TSHR: variants seen among roughly 807,000 people sequenced by gnomAD.
TSHR encodes thyroid stimulating hormone receptor, also known as thyrotropin receptor.
TSHR carries 51 observed loss-of-function variants against 64.1 expected under a neutral mutation model. The observed-to-expected ratio is 0.80, with a 90% CI of 0.64 to 1.01. The LOEUF is 1.01. Ranked by LOEUF, TSHR falls within the 50% of genes least tolerant of loss-of-function variation. The pLI, the probability that TSHR is intolerant of heterozygous loss-of-function variation, is 0.00. For missense variants in TSHR, 877 were observed against 942.8 expected (o/e 0.93, Z 0.91); for synonymous variants, 361 against 361.9 (o/e 1.00, Z 0.03).
At chr14:81,067,282 T>C (rs996572087) in intron 2 of TSHR, among the ~76,000 whole-genome samples, 6 of 151,894 alleles carry the variant, frequency 4.0e-5, no homozygotes, top group Admixed American at 3.3e-4. Context: ...TTTTGCTATT[T>C]TGAGGAACTC....
intron 1 of TSHR, among the ~76,000 whole-genome samples, chr14:80,978,800 T>C (rs891719397): frequency 3.1e-4 from 47 of 152,196 alleles, no homozygotes; most frequent in African/African-American, 1.0e-3. Context: ...TGTTTGCACA[T>C]CTGCCTTTCT....
intron 8 of TSHR, among the ~76,000 whole-genome samples, chr14:81,136,471 C>T (rs1204124043): frequency 1.3e-5 from 2 of 152,074 alleles, no homozygotes. Flanking sequence ...TGTCAATTAC[C>T]ATGTTGGGGG....
At chr14:81,139,134 G>A (rs1055713379) in intron 8 of TSHR, among the ~76,000 whole-genome samples, 5 of 152,130 alleles carry the variant, frequency 3.3e-5, no homozygotes, top group East Asian at 1.9e-4. Context: ...CTGGAGTGGC[G>A]GGGGATGGGG....
At chr14:81,058,662 G>A (rs1885999479) in intron 1 of TSHR, among the ~76,000 whole-genome samples, 1 of 152,080 alleles carries the variant, frequency 6.6e-6, no homozygotes, top group African/African-American at 2.4e-5. Flanking sequence ...AAATTCTATT[G>A]CGATGCAAAT....
intron 8 of TSHR, among the ~76,000 whole-genome samples, chr14:81,110,841 A>G (rs908457729): frequency 1.4e-4 from 22 of 152,230 alleles, no homozygotes; most frequent in African/African-American, 5.3e-4. Flanking sequence ...ACCAAAATCA[A>G]AATAAACTGA....
At chr14:81,035,921 G>C (rs1310586685) in intron 1 of TSHR, among the ~76,000 whole-genome samples, 3 of 152,002 alleles carry the variant, frequency 2.0e-5, no homozygotes, top group African/African-American at 7.2e-5. Flanking sequence ...TTTTGGAGCT[G>C]AAAAATTTAA....
intron 1 of TSHR, among the ~76,000 whole-genome samples, chr14:81,043,839 G>T (rs915628322): frequency 6.6e-6 from 1 of 152,184 alleles, no homozygotes; most frequent in African/African-American, 2.4e-5. Flanking sequence ...ATGGGGAAAT[G>T]ATTCCCTATT....
In TSHR at chr14:81,143,669, C is replaced by A. The variant is rs754389181; in HGVS notation, c.1611C>A (p.His537Gln). The change falls in exon 10 of 10, where the codon CAC becomes CAA. Residue 537 changes from histidine to glutamine, a missense_variant. Coordinates refer to ENST00000298171, the MANE Select transcript of TSHR (RefSeq NM_000369.5). ...TGGACCGGAAGATCCGCCTCAGGCA[C>A]GCATGTGCCATCATGGTTGGGGGCT... The part of the protein sequence containing the change: ...MRLDRKIRLR[H>Q]ACAIMVGGWV... 6.2e-7 allele frequency: 1 copy of A among 1,614,202 alleles called. No individual in the cohort carries two copies. Among genetic ancestry groups the A allele is most frequent in the South Asian group, 1.1e-5 (1 of 91,084 alleles).
rs1886292569 is a variant in TSHR at position 81,062,174 on chromosome 14, C to A, written c.197C>A (p.Thr66Asn). The A allele has an allele frequency of 1.9e-6, 3 of 1,611,932 alleles. No homozygotes were observed. Among genetic ancestry groups the A allele is most frequent in the African/African-American group, 2.7e-5 (2 of 74,938 alleles). Residue 66 changes from threonine to asparagine, a missense_variant, in exon 2 of 10, where the codon ACT (threonine) becomes AAT (asparagine). Transcript: ENST00000298171. ...AAGCTTATTGAGACTCACCTGAGAA[C>A]TATTCCAAGTCATGCATTTTCTAAT... Reference protein sequence around the residue: ...TLKLIETHLRTIPSHAFSNLP... With the variant: ...TLKLIETHLRNIPSHAFSNLP...
intron 7 of TSHR, chr14:81,104,787 T>C: frequency 1.0e-6 from 1 of 985,438 alleles, no homozygotes. Flanking sequence ...GCAGGGCTTC[T>C]TAACTCCATG....
chr14:81,087,643 T>TGGGA, intron 3 of TSHR: 1 of 369,452 alleles, frequency 2.7e-6, no homozygotes, highest in South Asian at 2.6e-5. Flanking sequence ...GAGGGATTTT[T>TGGGA]CTTTTTTCTC....
At chr14:81,029,782 A>G (rs1315922567) in intron 1 of TSHR, among the ~76,000 whole-genome samples, 1 of 152,180 alleles carries the variant, frequency 6.6e-6, no homozygotes, top group Non-Finnish European at 1.5e-5. Flanking sequence ...AAAAAAATAT[A>G]CCCATGGATT....
intron 1 of TSHR, among the ~76,000 whole-genome samples, chr14:81,008,318 GCC>G (rs982922041): frequency 6.6e-6 from 1 of 151,764 alleles, no homozygotes; most frequent in Admixed American, 6.6e-5. Context: ...GACTACAGGC[GCC>G]CCCCACCACG....
chr14:81,114,164 G>A (rs956021735), intron 8 of TSHR, among the ~76,000 whole-genome samples: 2 of 150,458 alleles, frequency 1.3e-5, no homozygotes, highest in Non-Finnish European at 3.0e-5. Flanking sequence ...AAGTATCACT[G>A]GGGGGGAGGA....
chr14:81,099,119 A>G (rs1273875490), intron 7 of TSHR, among the ~76,000 whole-genome samples: 1 of 152,230 alleles, frequency 6.6e-6, no homozygotes, highest in Non-Finnish European at 1.5e-5. Flanking sequence ...TTCTGGATGT[A>G]GCAGGATCAT....
At chr14:81,088,059 T>C in intron 4 of TSHR, 31 bp downstream of exon 4, 1 of 1,538,120 alleles carries the variant, frequency 6.5e-7, no homozygotes, top group Non-Finnish European at 9.0e-7. Flanking sequence ...CATCCTACTT[T>C]TCTGGGGGGA....
intron 1 of TSHR, among the ~76,000 whole-genome samples, chr14:81,019,633 C>T (rs969086012): frequency 4.6e-5 from 7 of 151,348 alleles, no homozygotes; most frequent in East Asian, 1.9e-4. Context: ...CAACAGGCCC[C>T]GGTGTGTGAT....
chr14:81,047,298 C>T (rs1306062721), intron 1 of TSHR, among the ~76,000 whole-genome samples: 1 of 152,020 alleles, frequency 6.6e-6, no homozygotes, highest in Non-Finnish European at 1.5e-5. Context: ...TCCTCATAAA[C>T]AACAGCACAA....
rs879737350 is a variant in TSHR, at chr14:81,108,311, T to A, written c.615-64T>A. The A allele has an allele frequency of 7.5e-5, 95 of 1,272,484 alleles. No individual in the cohort carries two copies. In the Middle Eastern group the frequency reaches 1.8e-3, roughly 24 times the overall value. 78.8% of individuals were successfully genotyped at this position (1,272,484 alleles called of 1,614,324 possible). A position where few individuals can be genotyped will look rare whatever the true frequency, so the allele number is the denominator to read the frequency against. ...CATTTTATTCTGATATTTGTACTAATTTGATGTGATTTCTTAAAATCACCT... is the reference window on the plus strand; with the variant it reads ...CATTTTATTCTGATATTTGTACTAAATTGATGTGATTTCTTAAAATCACCT... On this transcript the variant is annotated intron_variant, in intron 7 of 9. Coordinates refer to ENST00000298171, the MANE Select transcript of TSHR (RefSeq NM_000369.5).
Sources: gnomAD v4.1 joint callset for allele counts (sites outside exome capture counted in the v4.1 genomes callset) on GRCh38, gnomAD v4.1.1 for gene constraint, MANE v1.5 for transcripts, NCBI Gene and HGNC (gene_info 2026-07-23, HGNC 2026-07-21) for gene names.